The following ROBO1 variants were observed in gnomAD, a reference collection of about 807,000 sequenced individuals.
The protein encoded by ROBO1 is roundabout homolog 1.
ROBO1 carries 149 observed loss-of-function variants against 195.9 expected under a neutral mutation model. The observed-to-expected ratio is 0.76, with a 90% CI of 0.67 to 0.87. The LOEUF (loss-of-function observed/expected upper bound fraction) is 0.87. ROBO1 is among the 40% of genes least tolerant of loss of function. ROBO1 has a pLI of 0.00. For synonymous variants in ROBO1, 816 were observed against 733.2 expected, an observed-to-expected ratio of 1.11 and a Z score of -1.82; for missense variants, 1,933 against 2,068.3, an observed-to-expected ratio of 0.93 and a Z score of 1.27.
At position 79,149,516 on chromosome 3, in the gene ROBO1, G is replaced by T. The variant is rs1279314125; in HGVS notation, c.89-23977C>A. Reference sequence around the variant, plus strand: ...TATTCAGTCTCTTCGAACTGTGTTTGTTGTTGTTGTTGTTGTTGTTGTTGT... The same window carrying T: ...TATTCAGTCTCTTCGAACTGTGTTTTTTGTTGTTGTTGTTGTTGTTGTTGT... On this transcript the variant is annotated intron_variant, in intron 2 of 30. Transcript: ENST00000464233. 2.7e-5 allele frequency among the ~76,000 whole-genome samples: 4 copies of T among 149,300 alleles called. 1 individual carries two copies. The highest frequency in any genetic ancestry group is 6.8e-3 in the Middle Eastern group (2 of 294).
At chr3:78,627,286 T>C (rs753580189) in intron 26 of ROBO1, 35 bp downstream of exon 26, 2 of 1,594,704 alleles carry the variant, frequency 1.3e-6, no homozygotes, top group Admixed American at 1.7e-5. Context: ...AGAAATTATC[T>C]GATTTGTTAG....
chr3:78,819,397 C>A (rs1408733358), intron 4 of ROBO1, among the ~76,000 whole-genome samples: 1 of 146,588 alleles, frequency 6.8e-6, no homozygotes, highest in Non-Finnish European at 1.5e-5. Context: ...TTATCTGACA[C>A]TAATTTCTTT....
intron 2 of ROBO1, among the ~76,000 whole-genome samples, chr3:79,584,697 G>T (rs997961049): frequency 6.7e-6 from 1 of 148,542 alleles, no homozygotes; most frequent in African/African-American, 2.5e-5. Context: ...ACATACACAT[G>T]CAATGTGATT....
intron 10 of ROBO1, among the ~76,000 whole-genome samples, chr3:78,672,572 G>A: frequency 7.0e-6 from 1 of 142,890 alleles, no homozygotes; most frequent in East Asian, 2.1e-4. Flanking sequence ...TCCAGCCTGG[G>A]TGACAGAGTG....
At chr3:79,563,809 C>T (rs2107719909) in intron 2 of ROBO1, among the ~76,000 whole-genome samples, 1 of 152,066 alleles carries the variant, frequency 6.6e-6, no homozygotes, top group African/African-American at 2.4e-5. Flanking sequence ...AAAACTGGAA[C>T]TTAAATTCAT....
intron 4 of ROBO1, among the ~76,000 whole-genome samples, chr3:78,786,467 C>A (rs1267200544): frequency 6.6e-6 from 1 of 151,814 alleles, no homozygotes; most frequent in Non-Finnish European, 1.5e-5. Context: ...TCCTCATGAC[C>A]CTCCCTCATG....
intron 10 of ROBO1, among the ~76,000 whole-genome samples, chr3:78,677,407 G>A (rs999898162): frequency 1.3e-5 from 2 of 152,108 alleles, no homozygotes; most frequent in East Asian, 1.9e-4. Flanking sequence ...ACACCCATCA[G>A]TGTGCTGTAT....
At chr3:79,687,933 T>C (rs1304077949) in intron 1 of ROBO1, among the ~76,000 whole-genome samples, 2 of 151,928 alleles carry the variant, frequency 1.3e-5, no homozygotes, top group Admixed American at 6.6e-5. Flanking sequence ...ATGTTTCTTG[T>C]GGCACTATTC....
chr3:78,678,810 C>T (rs1052589996), intron 10 of ROBO1, among the ~76,000 whole-genome samples: 26 of 152,272 alleles, frequency 1.7e-4, no homozygotes, highest in Middle Eastern at 3.4e-3. Context: ...AGGGAATCCT[C>T]CCTAACTCAT....
At chr3:79,107,435 A>G (rs1017860583) in intron 3 of ROBO1, among the ~76,000 whole-genome samples, 1 of 151,778 alleles carries the variant, frequency 6.6e-6, no homozygotes, top group Non-Finnish European at 1.5e-5. Flanking sequence ...AATACATTTT[A>G]CTGAGCATCA....
chr3:78,788,795 C>T (rs950296519), intron 4 of ROBO1, among the ~76,000 whole-genome samples: 1 of 150,240 alleles, frequency 6.7e-6, no homozygotes, highest in African/African-American at 2.4e-5. Context: ...AAAATTAAAT[C>T]CAAAATTTAT....
intron 3 of ROBO1, among the ~76,000 whole-genome samples, chr3:78,970,948 T>C (rs944849871): frequency 2.0e-5 from 3 of 149,410 alleles, no homozygotes; most frequent in African/African-American, 7.3e-5. Context: ...AAAAAGTCAC[T>C]GTATCCTCAT....
chr3:79,032,863 T>A (rs1298297720), intron 3 of ROBO1, among the ~76,000 whole-genome samples: 2 of 152,064 alleles, frequency 1.3e-5, no homozygotes, highest in African/African-American at 4.8e-5. Context: ...TATGAAATGT[T>A]TCAATTGGTT....
At chr3:79,302,037 T>C (rs2032984882) in intron 2 of ROBO1, among the ~76,000 whole-genome samples, 1 of 152,116 alleles carries the variant, frequency 6.6e-6, no homozygotes, top group African/African-American at 2.4e-5. Context: ...AGAAGATAAG[T>C]AAAACGGTAA....
chr3:79,642,276 G>T (rs1028230869), intron 1 of ROBO1, among the ~76,000 whole-genome samples: 9 of 152,036 alleles, frequency 5.9e-5, no homozygotes, highest in African/African-American at 2.2e-4. Flanking sequence ...AGAAGATAAA[G>T]AAAATGTCTT....
intron 3 of ROBO1, among the ~76,000 whole-genome samples, chr3:79,118,590 C>A (rs1055685215): frequency 3.3e-5 from 5 of 152,074 alleles, no homozygotes; most frequent in African/African-American, 1.2e-4. Flanking sequence ...AAAAATTGGG[C>A]TGGGCGCGGT....
chr3:79,266,596 A>AT (rs1407246893), intron 2 of ROBO1, among the ~76,000 whole-genome samples: 1 of 151,566 alleles, frequency 6.6e-6, no homozygotes, highest in African/African-American at 2.4e-5. Context: ...CTAGAGGATC[A>AT]TTTTTCTAAG....
chr3:78,839,035 C>T, intron 4 of ROBO1, among the ~76,000 whole-genome samples: 1 of 152,106 alleles, frequency 6.6e-6, no homozygotes, highest in East Asian at 1.9e-4. Context: ...TTCCAGATGT[C>T]CAGAGAGATC....
At chr3:78,748,862 G>A (rs1361526074) in intron 4 of ROBO1, among the ~76,000 whole-genome samples, 1 of 152,032 alleles carries the variant, frequency 6.6e-6, no homozygotes, top group Non-Finnish European at 1.5e-5. Flanking sequence ...ACAGTAAAAG[G>A]AAAAGCAAAA....
Sources: gnomAD v4.1 joint callset for allele counts (sites outside exome capture counted in the v4.1 genomes callset) on GRCh38, gnomAD v4.1.1 for gene constraint, MANE v1.5 for transcripts, NCBI Gene and HGNC (gene_info 2026-07-23, HGNC 2026-07-21) for gene names.